Variants in PKD2L1 observed in about 807,000 individuals in gnomAD.
PKD2L1 encodes the protein polycystin-2-like protein 1.
In PKD2L1, 77 loss-of-function variants were observed where a neutral mutation model predicts 93.0. That is an observed-to-expected ratio of 0.83 (90% CI 0.69 to 1.00). The LOEUF is 1.00. Ranked by LOEUF, PKD2L1 falls within the 50% of genes least tolerant of loss-of-function variation. PKD2L1 has a pLI of 0.00. For missense variants in PKD2L1, 977 were observed against 990.9 expected (o/e 0.99, Z 0.19); for synonymous variants, 390 against 388.0 (o/e 1.01, Z -0.06).
intron 4 of PKD2L1, 58 bp downstream of exon 4, chr10:100,298,504 G>A: frequency 6.4e-7 from 1 of 1,571,764 alleles, no homozygotes; most frequent in Non-Finnish European, 8.7e-7. Flanking sequence ...CAGACCTTGG[G>A]ATGGTGTCAG....
chr10:100,325,871 C>T (rs1849367290), intron 2 of PKD2L1, among the ~76,000 whole-genome samples: 1 of 152,180 alleles, frequency 6.6e-6, no homozygotes, highest in Non-Finnish European at 1.5e-5. Flanking sequence ...AGAATCTTCT[C>T]AGGTGGGTAT....
At position 100,297,221 on chromosome 10, in the gene PKD2L1, G is replaced by A. The variant is rs371563680; in HGVS notation, c.957-13C>T. 31 of 1,610,558 alleles carry A rather than the reference G, an allele frequency of 1.9e-5. No individual in the cohort carries two copies. The highest frequency in any genetic ancestry group is 2.4e-5 in the Non-Finnish European group (28 of 1,177,550). The stretch of plus-strand genomic sequence containing the variant: ...CTCCACCACCAGCCTATAGGGGGAG[G>A]GGGAGATGACCTCCAGTGGAGCCTT... On this transcript the variant is annotated splice_polypyrimidine_tract_variant and intron_variant, in intron 5 of 15. Coordinates refer to ENST00000318222, the MANE Select transcript of PKD2L1 (RefSeq NM_016112.3).
At chr10:100,312,415 G>A (rs1392867725) in intron 2 of PKD2L1, among the ~76,000 whole-genome samples, 1 of 152,180 alleles carries the variant, frequency 6.6e-6, no homozygotes, top group Non-Finnish European at 1.5e-5. Flanking sequence ...CAAACAGACT[G>A]ATGATGATTA....
In PKD2L1 at chr10:100,294,590, A is replaced by G. The variant is rs752757717; in HGVS notation, c.1604T>C (p.Ile535Thr). 3.7e-6 allele frequency: 6 copies of G among 1,614,068 alleles called. No homozygotes were observed. The East Asian group carries it at 1.1e-4, about 30-fold the overall frequency. ...GGTGACAAAGTAGGCAGGGCCCAGG[A>G]TGCGGTTGGCATTGTCGATAGCATT... ...DYNAIDNANR[I>T]LGPAYFVTYV... The change falls in exon 9 of 16, where the codon ATC becomes ACC. Residue 535 changes from isoleucine to threonine, a missense_variant. Coordinates refer to ENST00000318222, the MANE Select transcript of PKD2L1 (RefSeq NM_016112.3).
Position 100,288,397 on chromosome 10 carries a change from T to G in PKD2L1, c.2417A>C (p.Ter806SerextTer2). The G allele has an allele frequency of 6.2e-7, 1 of 1,604,628 alleles. No individual in the cohort carries two copies. Among genetic ancestry groups the G allele is most frequent in the East Asian group, 2.2e-5 (1 of 44,820 alleles). Residue 806 changes from the stop codon to serine, a stop_lost, in exon 16 of 16, where the codon TAA (stop) becomes TCA (serine). Transcript: ENST00000318222. Reference protein sequence around the residue: ...RGEIPTLQRS* With the variant: ...RGEIPTLQRSS The stretch of plus-strand genomic sequence containing the variant: ...CTTTGCTCCGGGAGTGCCTCACACT[T>G]AACTCCTCTGCAACGTTGGAATCTC...
intron 2 of PKD2L1, among the ~76,000 whole-genome samples, chr10:100,315,727 T>C (rs1260580370): frequency 6.6e-6 from 1 of 152,188 alleles, no homozygotes; most frequent in Non-Finnish European, 1.5e-5. Context: ...TTTACGCCTT[T>C]TTCCTCTTAC....
Position 100,288,971 on chromosome 10 carries a change from C to T in PKD2L1, c.2335+1G>A, listed in dbSNP as rs376864332. The T allele has an allele frequency of 8.2e-6, 13 of 1,593,350 alleles. No individual in the cohort carries two copies. In the East Asian group the frequency reaches 2.9e-4, roughly 36 times the overall value. On this transcript the variant is annotated splice_donor_variant, in intron 15 of 15. Coordinates refer to ENST00000318222, the MANE Select transcript of PKD2L1 (RefSeq NM_016112.3). LOFTEE classifies it high-confidence loss of function. The stretch of plus-strand genomic sequence containing the variant: ...CTGATGCTTTAGGCCCCCTTCCTCA[C>T]CACTCTCCTGCCCACCCTGGACTCC...
At chr10:100,305,196 C>T (rs1218867536) in intron 2 of PKD2L1, among the ~76,000 whole-genome samples, 2 of 151,020 alleles carry the variant, frequency 1.3e-5, no homozygotes, top group East Asian at 3.9e-4. Flanking sequence ...ACTGCAACCT[C>T]TGCCTCCCGG....
At chr10:100,329,079 G>A in intron 2 of PKD2L1, 132 bp downstream of exon 2, 1 of 746,412 alleles carries the variant, frequency 1.3e-6, no homozygotes, top group South Asian at 1.9e-5. Context: ...GTTATCTAAA[G>A]TTCCCGGATA....
chr10:100,319,587 C>A (rs1849183330), intron 2 of PKD2L1, among the ~76,000 whole-genome samples: 1 of 152,234 alleles, frequency 6.6e-6, no homozygotes, highest in African/African-American at 2.4e-5. Context: ...GACAAGCTCA[C>A]TTCAACCTCT....
chr10:100,308,681 G>A (rs1270850374), intron 2 of PKD2L1, among the ~76,000 whole-genome samples: 2 of 152,110 alleles, frequency 1.3e-5, no homozygotes, highest in Admixed American at 6.6e-5. Context: ...TAGCAAGCAA[G>A]TATTATAACT....
intron 2 of PKD2L1, among the ~76,000 whole-genome samples, chr10:100,324,907 G>A (rs1023509607): frequency 2.0e-4 from 30 of 152,172 alleles, no homozygotes; most frequent in Admixed American, 2.6e-4. Context: ...CCAACTGCAC[G>A]TCACTCCAGT....
At chr10:100,299,091 G>C (rs1028509963) in intron 3 of PKD2L1, among the ~76,000 whole-genome samples, 3 of 152,048 alleles carry the variant, frequency 2.0e-5, no homozygotes, top group Non-Finnish European at 4.4e-5. Flanking sequence ...CGAGGAGCTG[G>C]GATTTCAGGC....
chr10:100,329,644 TC>T (rs1353419711), intron 1 of PKD2L1, among the ~76,000 whole-genome samples: 8 of 152,072 alleles, frequency 5.3e-5, no homozygotes, highest in Non-Finnish European at 8.8e-5. Flanking sequence ...CCTCTCTGGA[TC>T]CCCAGGTGAT....
rs762237935 is a variant in PKD2L1, at chr10:100,293,006, C to T, written c.1822G>A (p.Val608Ile). 2 of 1,613,876 alleles carry T rather than the reference C, an allele frequency of 1.2e-6. No homozygotes were observed. Among genetic ancestry groups the T allele is most frequent in the Admixed American group, 1.7e-5 (1 of 60,010 alleles). Residue 608 changes from valine (V) to isoleucine (I), a missense_variant, in exon 11 of 16, where the codon GTC (valine) becomes ATC (isoleucine). Physicochemically the swap from Val to Ile is conservative, Grantham distance 29. Transcript: ENST00000318222. ...ATCTCCTGCTCCCCACCCTGCAGGA[C>T]CTTCTGCACATCCGAAACCCTCTCC... Reference protein sequence around the residue: ...RKERVSDVQKVLQGGEQEIQF... With the variant: ...RKERVSDVQKILQGGEQEIQF...
At chr10:100,297,745 T>C in intron 4 of PKD2L1, 139 bp from the exon 5 acceptor site, 1 of 566,510 alleles carries the variant, frequency 1.8e-6, no homozygotes, top group Non-Finnish European at 3.1e-6. Flanking sequence ...TGTGTGTGTG[T>C]ATGAGATATG....
chr10:100,320,978 A>G (rs987502037), intron 2 of PKD2L1, among the ~76,000 whole-genome samples: 17 of 152,248 alleles, frequency 1.1e-4, no homozygotes, highest in Non-Finnish European at 2.1e-4. Flanking sequence ...AGATACATTT[A>G]CCATGATAGG....
Position 100,299,710 on chromosome 10 carries a change from C to T in PKD2L1, c.358G>A (p.Gly120Arg). 6.2e-7 allele frequency: 1 copy of T among 1,613,814 alleles called. No homozygotes were observed. Among genetic ancestry groups the T allele is most frequent in the Non-Finnish European group, 8.5e-7 (1 of 1,179,724 alleles). The change falls in exon 3 of 16, where the codon GGA becomes AGA. Residue 120 changes from glycine (G) to arginine (R), a missense_variant. Coordinates refer to ENST00000318222, the MANE Select transcript of PKD2L1 (RefSeq NM_016112.3). The part of the protein sequence containing the change: ...FLVDICLLTY[G>R]MTSSSAYYYT... ...TAATAAGCACTGGAGCTTGTCATTCCATAGGTCACTAGAAAACAACCCAAG... is the reference window on the plus strand; with the variant it reads ...TAATAAGCACTGGAGCTTGTCATTCTATAGGTCACTAGAAAACAACCCAAG...
intron 7 of PKD2L1, among the ~76,000 whole-genome samples, chr10:100,295,908 T>C (rs1397287506): frequency 6.6e-6 from 1 of 150,488 alleles, no homozygotes; most frequent in Non-Finnish European, 1.5e-5. Context: ...TGGTGGTGGG[T>C]GCCTGTAGTC....
Sources: gnomAD v4.1 joint callset for allele counts (sites outside exome capture counted in the v4.1 genomes callset) on GRCh38, gnomAD v4.1.1 for gene constraint, MANE v1.5 for transcripts, NCBI Gene and HGNC (gene_info 2026-07-23, HGNC 2026-07-21) for gene names.